PUS7: variants seen among roughly 807,000 people sequenced by gnomAD.
PUS7 encodes pseudouridine synthase 7, also known as pseudouridylate synthase 7 homolog.
Under a neutral mutation model 79.8 loss-of-function variants are expected in PUS7, and 48 were observed. The ratio of observed to expected loss-of-function variants is 0.60; its 90% CI spans 0.48 to 0.76. The LOEUF is 0.76. Among genes scored for constraint, PUS7 ranks in the 30% least tolerant of loss-of-function variants. The pLI is 0.00. For missense variants in PUS7, 729 were observed against 797.6 expected, an observed-to-expected ratio of 0.91 and a Z score of 1.04; for synonymous variants, 286 against 272.2, an observed-to-expected ratio of 1.05 and a Z score of -0.50.
At chr7:105,503,033 A>G (rs1825318373) in intron 4 of PUS7, among the ~76,000 whole-genome samples, 1 of 152,094 alleles carries the variant, frequency 6.6e-6, no homozygotes. Flanking sequence ...AATATTGCAA[A>G]TCCCGGGAGC....
chr7:105,477,730 G>A (rs1387246250), intron 9 of PUS7, among the ~76,000 whole-genome samples: 1 of 151,234 alleles, frequency 6.6e-6, no homozygotes, highest in Non-Finnish European at 1.5e-5. Context: ...TGTCCCATTA[G>A]TAGTCACTCC....
intron 1 of PUS7, among the ~76,000 whole-genome samples, chr7:105,515,214 A>G (rs1825850616): frequency 1.3e-5 from 2 of 152,012 alleles, no homozygotes; most frequent in African/African-American, 4.8e-5. Context: ...TCCCCAATGT[A>G]CTCTCCCCAA....
intron 4 of PUS7, among the ~76,000 whole-genome samples, chr7:105,503,016 GCT>G (rs1265455054): frequency 3.3e-5 from 5 of 152,154 alleles, no homozygotes; most frequent in African/African-American, 1.2e-4. Flanking sequence ...ATATTTCAGA[GCT>G]TCCCAATATT....
Position 105,502,613 on chromosome 7 carries a change from T to C in PUS7, c.586-49A>G, listed in dbSNP as rs765602343. The C allele has an allele frequency of 4.4e-6, 7 of 1,589,044 alleles. No individual in the cohort carries two copies. In the South Asian group the frequency reaches 6.7e-5, roughly 15 times the overall value. ...TACCACCAAGTTAACAAACATTAAATAGGGAAGTAATACAGTGAATTAGTA... is the reference window on the plus strand; with the variant it reads ...TACCACCAAGTTAACAAACATTAAACAGGGAAGTAATACAGTGAATTAGTA... On this transcript the variant is annotated intron_variant, in intron 4 of 15. Coordinates refer to ENST00000469408, the MANE Select transcript of PUS7 (RefSeq NM_019042.5).
chr7:105,517,177 G>A (rs528942696), intron 1 of PUS7, among the ~76,000 whole-genome samples: 3 of 114,600 alleles, frequency 2.6e-5, no homozygotes, highest in Admixed American at 1.8e-4. Context: ...TTTTTTTGGC[G>A]ATGGAGTCTT....
intron 7 of PUS7, among the ~76,000 whole-genome samples, chr7:105,485,468 C>T (rs1465588216): frequency 6.6e-6 from 1 of 151,660 alleles, no homozygotes; most frequent in Non-Finnish European, 1.5e-5. Context: ...CCCTAGCCTC[C>T]CAAAGTGCTG....
rs1823195345 is a variant in PUS7 at position 105,456,513 on chromosome 7, T to C, written c.*1277A>G. 6.6e-6 allele frequency: 1 copy of C among 152,368 alleles called. No individual in the cohort carries two copies. The highest frequency in any genetic ancestry group is 1.9e-4 in the East Asian group (1 of 5,194). 9.4% of individuals were successfully genotyped at this position (152,368 alleles called of 1,614,324 possible). A position where few individuals can be genotyped will look rare whatever the true frequency, so the allele number is the denominator to read the frequency against. On this transcript the variant is annotated 3_prime_UTR_variant, in exon 16 of 16. Coordinates refer to ENST00000469408, the MANE Select transcript of PUS7 (RefSeq NM_019042.5). ...GTCAAGATTCTTATCTGCACTCATT[T>C]TGATATATTTATTTGATTTATTTAC... is the stretch of plus-strand genomic sequence containing the variant.
rs182614012 is a variant in PUS7 at position 105,492,798 on chromosome 7, C to T, written c.843-1181G>A. ...CTGGGATTACAGGCGTGAGCCACCG[C>T]GCCCGGCCGATTTTTTGTATTTTTA... On this transcript the variant is annotated intron_variant, in intron 6 of 15. Transcript: ENST00000469408. Among the ~76,000 whole-genome samples the T allele has an allele frequency of 9.4e-3, 1,437 of 152,228 alleles. 14 individuals are homozygous for T. Among genetic ancestry groups the T allele is most frequent in the African/African-American group, 0.033 (1,386 of 41,526 alleles).
Position 105,509,612 on chromosome 7 carries a change from A to G in PUS7, c.-32-1068T>C, listed in dbSNP as rs1825628816. Among the ~76,000 whole-genome samples, 2 of 152,060 alleles carry G rather than the reference A, an allele frequency of 1.3e-5. 1 individual carries two copies. Among genetic ancestry groups the G allele is most frequent in the South Asian group, 4.2e-4 (2 of 4,818 alleles). On this transcript the variant is annotated intron_variant, in intron 1 of 15. Transcript: ENST00000469408. ...CAGCCTCCCCAGCAGCTGGGACTAC[A>G]GCAGCATGCCACCAAGCCTGGCTAG...
At chr7:105,488,699 C>T (rs1377251600) in intron 7 of PUS7, among the ~76,000 whole-genome samples, 2 of 152,128 alleles carry the variant, frequency 1.3e-5, no homozygotes, top group East Asian at 1.9e-4. Flanking sequence ...AAATAAGGTA[C>T]ACCATCTATT....
chr7:105,483,164 GTTTC>G (rs1586127728), intron 7 of PUS7, among the ~76,000 whole-genome samples: 2 of 143,356 alleles, frequency 1.4e-5, no homozygotes, highest in South Asian at 2.2e-4. Context: ...ACCCAATGTT[GTTTC>G]TTTCTTTCCT....
intron 4 of PUS7, among the ~76,000 whole-genome samples, chr7:105,502,964 T>C (rs1403213118): frequency 2.6e-5 from 4 of 152,174 alleles, no homozygotes; most frequent in African/African-American, 7.2e-5. Flanking sequence ...CCTTCCAAAG[T>C]GCTGAGATTA....
chr7:105,502,653 CTTA>C, intron 4 of PUS7, 89 bp from the exon 5 acceptor site: 2 of 1,378,684 alleles, frequency 1.5e-6, no homozygotes, highest in Non-Finnish European at 2.0e-6. Flanking sequence ...CACTGCTCAC[CTTA>C]TTAACTACGC....
At chr7:105,516,547 G>A (rs536721661) in intron 1 of PUS7, among the ~76,000 whole-genome samples, 34 of 151,896 alleles carry the variant, frequency 2.2e-4, no homozygotes, top group Middle Eastern at 3.4e-3. Flanking sequence ...TCCACCTCCC[G>A]GGTTCAAGTG....
At position 105,476,113 on chromosome 7, in the gene PUS7, G is replaced by C. The variant is rs554076110; in HGVS notation, c.1176-3920C>G. On this transcript the variant is annotated intron_variant, in intron 9 of 15. Coordinates refer to ENST00000469408, the MANE Select transcript of PUS7 (RefSeq NM_019042.5). ...CACTCCAGCCTGGGCGACAGAGCAA[G>C]ACTCCGTCTCAAAAAAAAAAAAAAA... Among the ~76,000 whole-genome samples the C allele has an allele frequency of 3.7e-5, 4 of 106,932 alleles. No individual in the cohort carries two copies. In the East Asian group the frequency reaches 1.2e-3, roughly 33 times the overall value. 70.2% of individuals were successfully genotyped at this position (106,932 alleles called of 152,430 possible).
intron 9 of PUS7, among the ~76,000 whole-genome samples, chr7:105,477,562 T>C (rs1259326351): frequency 5.3e-5 from 8 of 152,074 alleles, no homozygotes; most frequent in Non-Finnish European, 4.4e-5. Context: ...TCACTTTCTT[T>C]TTTTCAAAGT....
Position 105,458,026 on chromosome 7 carries a change from T to C in PUS7, c.1850-100A>G, listed in dbSNP as rs532622831. On this transcript the variant is annotated intron_variant, in intron 15 of 15. Coordinates refer to ENST00000469408, the MANE Select transcript of PUS7 (RefSeq NM_019042.5). ...AAGCAAATACAAAGAACTGTGCTGC[T>C]TTCCTTAGACTCCACTTCCTAGGGG... The C allele has an allele frequency of 2.6e-4, 360 of 1,385,458 alleles. 5 individuals are homozygous for C. The East Asian group carries it at 8.5e-3, about 33-fold the overall frequency. 85.8% of individuals were successfully genotyped at this position (1,385,458 alleles called of 1,614,324 possible).
intron 5 of PUS7, 35 bp from the exon 6 acceptor site, chr7:105,495,288 T>C (rs1663943674): frequency 2.5e-6 from 3 of 1,195,218 alleles, no homozygotes; most frequent in Non-Finnish European, 3.7e-6. Context: ...ATATATACCA[T>C]AATAAAAGTT....
intron 1 of PUS7, among the ~76,000 whole-genome samples, chr7:105,521,156 G>A (rs766266819): frequency 2.0e-5 from 3 of 151,662 alleles, no homozygotes; most frequent in Non-Finnish European, 4.4e-5. Flanking sequence ...TCTGATTTTC[G>A]ACAGATCCCT....
Sources: gnomAD v4.1 joint callset for allele counts (sites outside exome capture counted in the v4.1 genomes callset) on GRCh38, gnomAD v4.1.1 for gene constraint, MANE v1.5 for transcripts, NCBI Gene and HGNC (gene_info 2026-07-23, HGNC 2026-07-21) for gene names.